The following PLXNC1 variants were observed in gnomAD, a reference collection of about 807,000 sequenced individuals.
The protein encoded by PLXNC1 is plexin-C1.
In PLXNC1, 75 loss-of-function variants were observed where a neutral mutation model predicts 178.2. The ratio of observed to expected loss-of-function variants is 0.42; its 90% CI spans 0.35 to 0.51. The LOEUF is 0.51. Among genes scored for constraint, PLXNC1 ranks in the 20% least tolerant of loss-of-function variants. The pLI, the probability that PLXNC1 is intolerant of heterozygous loss-of-function variation, is 0.02. For missense variants in PLXNC1, 1,503 were observed against 1,984.4 expected (o/e 0.76, Z 4.61); for synonymous variants, 790 against 779.9 (o/e 1.01, Z -0.22).
chr12:94,305,675 T>G lies in PLXNC1; in HGVS notation c.*390T>G. 1 of 157,030 alleles carries G rather than the reference T, an allele frequency of 6.4e-6. No homozygotes were observed. Among genetic ancestry groups the G allele is most frequent in the Non-Finnish European group, 1.4e-5 (1 of 71,356 alleles). 9.7% of individuals were successfully genotyped at this position (157,030 alleles called of 1,614,324 possible). On this transcript the variant is annotated 3_prime_UTR_variant, in exon 31 of 31. Coordinates refer to ENST00000258526, the MANE Select transcript of PLXNC1 (RefSeq NM_005761.3). Reference sequence around the variant, plus strand: ...ACTGCACCTCTGCATTGTAAAGGGATACTGCCAGTGCTCAAAACAAAATGT... The same window carrying G: ...ACTGCACCTCTGCATTGTAAAGGGAGACTGCCAGTGCTCAAAACAAAATGT...
intron 1 of PLXNC1, among the ~76,000 whole-genome samples, chr12:94,152,222 A>G (rs1183274198): frequency 6.6e-6 from 1 of 152,170 alleles, no homozygotes; most frequent in Non-Finnish European, 1.5e-5. Flanking sequence ...CCTTGCTGCT[A>G]GTATGCATTG....
chr12:94,237,876 AT>A (rs1371210170), intron 10 of PLXNC1, 73 bp downstream of exon 10: 2 of 1,487,832 alleles, frequency 1.3e-6, no homozygotes, highest in African/African-American at 2.8e-5. Flanking sequence ...TATCAGTGTG[AT>A]TATAACCTTA....
At position 94,248,376 on chromosome 12, in the gene PLXNC1, T is replaced by C. The variant is rs1253671092; in HGVS notation, c.2742T>C (p.Thr914=). 1 of 1,610,870 alleles carries C rather than the reference T, an allele frequency of 6.2e-7. No individual in the cohort carries two copies. The highest frequency in any genetic ancestry group is 2.2e-5 in the East Asian group (1 of 44,864). Residue 914 remains threonine (T), a synonymous_variant, in exon 14 of 31, where the codon ACT becomes ACC. Transcript: ENST00000258526. ...TTTGCAAAATTAAAGGCATCAAGAC[T>C]GCAAGCACCATTGCCAACTCTTCTA... ...TILCKIKGIK[T]ASTIANSSKK...
At chr12:94,297,681 A>G (rs1968069300) in intron 26 of PLXNC1, among the ~76,000 whole-genome samples, 1 of 152,052 alleles carries the variant, frequency 6.6e-6, no homozygotes, top group African/African-American at 2.4e-5. Flanking sequence ...TTTCTCCACC[A>G]TTTCACTATT....
At chr12:94,200,134 CG>C (rs1445575683) in intron 4 of PLXNC1, among the ~76,000 whole-genome samples, 1 of 152,196 alleles carries the variant, frequency 6.6e-6, no homozygotes, top group Non-Finnish European at 1.5e-5. Flanking sequence ...CTGACGTTCT[CG>C]GACCTCAGCC....
intron 17 of PLXNC1, among the ~76,000 whole-genome samples, chr12:94,257,500 G>A (rs1174837786): frequency 1.3e-5 from 2 of 152,166 alleles, no homozygotes; most frequent in Admixed American, 6.5e-5. Flanking sequence ...GGGTCCAGGC[G>A]CGGTGGCTCA....
At chr12:94,167,551 A>G (rs903838503) in intron 1 of PLXNC1, among the ~76,000 whole-genome samples, 2 of 152,144 alleles carry the variant, frequency 1.3e-5, no homozygotes, top group African/African-American at 4.8e-5. Flanking sequence ...GATGTGTGGC[A>G]TGGTTTTACT....
At chr12:94,184,704 C>T (rs184881922) in intron 3 of PLXNC1, among the ~76,000 whole-genome samples, 13 of 152,342 alleles carry the variant, frequency 8.5e-5, no homozygotes, top group Admixed American at 3.3e-4. Context: ...TGAGCCACCA[C>T]GGCCAGCCAG....
intron 5 of PLXNC1, among the ~76,000 whole-genome samples, chr12:94,213,570 A>G (rs1407355448): frequency 6.6e-6 from 1 of 152,060 alleles, no homozygotes; most frequent in Non-Finnish European, 1.5e-5. Context: ...TCAGCTGGGT[A>G]GATTGCAAAA....
At chr12:94,214,992 G>A (rs1565813734) in intron 5 of PLXNC1, among the ~76,000 whole-genome samples, 1 of 152,056 alleles carries the variant, frequency 6.6e-6, no homozygotes, top group Non-Finnish European at 1.5e-5. Context: ...TGCCTCCCGG[G>A]TTCAAGCGAT....
chr12:94,205,574 G>A (rs1963274761), intron 4 of PLXNC1, among the ~76,000 whole-genome samples: 1 of 152,122 alleles, frequency 6.6e-6, no homozygotes, highest in African/African-American at 2.4e-5. Context: ...AACCTTTTTG[G>A]GAGTAGAATG....
chr12:94,281,390 T>C (rs995346339), intron 22 of PLXNC1, among the ~76,000 whole-genome samples: 2 of 151,914 alleles, frequency 1.3e-5, no homozygotes, highest in Non-Finnish European at 2.9e-5. Context: ...GGGCAGAAAA[T>C]ACATAAGGGG....
chr12:94,174,825 T>C lies in PLXNC1; in HGVS notation c.1203+5532T>C, dbSNP rs1005075706. On this transcript the variant is annotated intron_variant, in intron 2 of 30. Coordinates refer to ENST00000258526, the MANE Select transcript of PLXNC1 (RefSeq NM_005761.3). ...GAAGTGGGTTCATTGGTTGGCTGTT[T>C]AGGATGTCATGTGAAGCCTGCTTCA... Among the ~76,000 whole-genome samples, 4 of 152,278 alleles carry C rather than the reference T, an allele frequency of 2.6e-5. 1 individual carries two copies. The highest frequency in any genetic ancestry group is 1.9e-4 in the East Asian group (1 of 5,180).
intron 1 of PLXNC1, among the ~76,000 whole-genome samples, chr12:94,157,265 G>T (rs1228704115): frequency 6.6e-6 from 1 of 152,152 alleles, no homozygotes; most frequent in East Asian, 1.9e-4. Flanking sequence ...CAGGATGGCG[G>T]AAGAGCCACA....
chr12:94,242,611 T>TA (rs1964421073), intron 11 of PLXNC1, among the ~76,000 whole-genome samples: 1 of 152,018 alleles, frequency 6.6e-6, no homozygotes, highest in Non-Finnish European at 1.5e-5. Context: ...GGACACATTT[T>TA]TTGGGGACAC....
At position 94,181,509 on chromosome 12, in the gene PLXNC1, A is replaced by G; in HGVS notation, c.1267A>G (p.Thr423Ala). The G allele has an allele frequency of 6.3e-7, 1 of 1,598,020 alleles. No individual in the cohort carries two copies. Among genetic ancestry groups the G allele is most frequent in the South Asian group, 1.1e-5 (1 of 90,716 alleles). The change falls in exon 3 of 31, where the codon ACA becomes GCA. Residue 423 changes from threonine (T) to alanine (A), a missense_variant. By Grantham distance (58) the Thr-to-Ala change is moderately conservative (BLOSUM62 0). This residue lies in a region of PLXNC1 where 615 missense variants were observed against 698.6 expected (regional missense o/e 0.88). Transcript: ENST00000258526. ...GGTTATCTATGAAATTAAAGAAGAG[A>G]CACCTGTTTTCTACAAACTCGTTCC... is the stretch of plus-strand genomic sequence containing the variant. ...PEVIYEIKEETPVFYKLVPDP... is the reference protein window; with the variant it reads ...PEVIYEIKEEAPVFYKLVPDP...
chr12:94,293,930 TTCTTA>T (rs1294686354), intron 23 of PLXNC1, among the ~76,000 whole-genome samples: 1 of 152,068 alleles, frequency 6.6e-6, no homozygotes, highest in Non-Finnish European at 1.5e-5. Flanking sequence ...CTGGTGTCTC[TTCTTA>T]TAAGGGCACT....
rs113501846 is a variant in PLXNC1 at position 94,189,405 on chromosome 12, G to A, written c.1439+2932G>A. ...AGTTTAAAGATTGTTAGGGGCAGGC[G>A]CGGTGACTCACACCTATATTCCCAG... On this transcript the variant is annotated intron_variant, in intron 4 of 30. Transcript: ENST00000258526. 3.6e-3 allele frequency among the ~76,000 whole-genome samples: 551 copies of A among 152,274 alleles called. 6 individuals are homozygous for A. Among genetic ancestry groups the A allele is most frequent in the African/African-American group, 0.011 (476 of 41,540 alleles).
intron 23 of PLXNC1, among the ~76,000 whole-genome samples, chr12:94,286,194 G>C (rs1966838393): frequency 6.6e-6 from 1 of 152,188 alleles, no homozygotes; most frequent in South Asian, 2.1e-4. Context: ...CAGTGTTGCT[G>C]CATGGTGGTA....
Sources: allele counts gnomAD v4.1 joint callset (sites outside exome capture counted in the v4.1 genomes callset), GRCh38; gene constraint gnomAD v4.1.1; regional missense constraint gnomAD v4.1.1; transcripts MANE v1.5; gene names NCBI Gene and HGNC (gene_info 2026-07-23, HGNC 2026-07-21).